PTPN12: variants seen among roughly 807,000 people sequenced by gnomAD.
PTPN12 encodes the protein protein tyrosine phosphatase non-receptor type 12.
Under a neutral mutation model 97.6 loss-of-function variants are expected in PTPN12, and 29 were observed. The ratio of observed to expected loss-of-function variants is 0.30; its 90% CI spans 0.22 to 0.41. PTPN12 has a LOEUF of 0.41. Ranked by LOEUF, PTPN12 falls within the 10% of genes least tolerant of loss-of-function variation. PTPN12 has a pLI of 1.00. For missense variants in PTPN12, 819 were observed against 926.0 expected (o/e 0.88, Z 1.50); for synonymous variants, 327 against 300.4 (o/e 1.09, Z -0.91).
chr7:77,548,872 G>T (rs1315178650), intron 1 of PTPN12, among the ~76,000 whole-genome samples: 4 of 152,114 alleles, frequency 2.6e-5, no homozygotes, highest in Non-Finnish European at 5.9e-5. Flanking sequence ...TCTTTCTATG[G>T]TTTTCAAGTT....
chr7:77,637,148 G>A (rs1288990357), intron 16 of PTPN12, 100 bp downstream of exon 16: 1 of 968,146 alleles, frequency 1.0e-6, no homozygotes, highest in Non-Finnish European at 1.6e-6. Context: ...AGTTATTTCT[G>A]TATGTGAAAA....
intron 16 of PTPN12, among the ~76,000 whole-genome samples, chr7:77,637,945 A>T (rs12705075): frequency 0.57 from 38,452 of 66,946 alleles, 11,235 homozygotes; most frequent in East Asian, 0.84. Context: ...ATTTCTTAAA[A>T]TTTTTTTTTT....
intron 12 of PTPN12, among the ~76,000 whole-genome samples, chr7:77,624,250 G>C (rs1789050342): frequency 6.6e-6 from 1 of 150,768 alleles, no homozygotes. Context: ...CCAGGTGGCA[G>C]AGCAGGACCC....
intron 13 of PTPN12, among the ~76,000 whole-genome samples, chr7:77,631,640 T>C (rs2151403110): frequency 6.6e-6 from 1 of 152,330 alleles, no homozygotes; most frequent in African/African-American, 2.4e-5. Context: ...TAATGCACTC[T>C]CTTTCCCAAG....
At position 77,626,881 on chromosome 7, in the gene PTPN12, A is replaced by C. The variant is rs765719283; in HGVS notation, c.1202A>C (p.His401Pro). The C allele has an allele frequency of 1.9e-6, 3 of 1,613,030 alleles. No individual in the cohort carries two copies. In the Admixed American group the frequency reaches 5.0e-5, roughly 27 times the overall value. The change falls in exon 13 of 18, where the codon CAT becomes CCT. Residue 401 changes from histidine (H) to proline (P), a missense_variant. Coordinates refer to ENST00000248594, the MANE Select transcript of PTPN12 (RefSeq NM_002835.4). ...TTGCATATGGTTTCATCAGAACAAC[A>C]TTCAGCAGACCTCAACAGAAACTAT... is the stretch of plus-strand genomic sequence containing the variant. Reference protein sequence around the residue: ...PVLHMVSSEQHSADLNRNYSK... With the variant: ...PVLHMVSSEQPSADLNRNYSK...
chr7:77,575,701 T>C (rs993782726), intron 2 of PTPN12, among the ~76,000 whole-genome samples: 2 of 152,194 alleles, frequency 1.3e-5, no homozygotes, highest in African/African-American at 2.4e-5. Flanking sequence ...ATTAATACAA[T>C]CTAGTTTTAG....
intron 2 of PTPN12, among the ~76,000 whole-genome samples, chr7:77,573,465 C>G (rs773683705): frequency 1.3e-4 from 20 of 152,098 alleles, no homozygotes; most frequent in Non-Finnish European, 2.8e-4. Context: ...GCTGGTAATC[C>G]CATTCACAAG....
intron 8 of PTPN12, among the ~76,000 whole-genome samples, chr7:77,604,209 CTTT>C (rs71082768): frequency 1.1e-3 from 58 of 52,794 alleles, no homozygotes; most frequent in Admixed American, 4.1e-3. Context: ...TTTTTTCTTC[CTTT>C]TTTTTTTTTT....
chr7:77,607,133 T>A, intron 8 of PTPN12, 102 bp from the exon 9 acceptor site: 6 of 948,344 alleles, frequency 6.3e-6, no homozygotes, highest in Non-Finnish European at 9.4e-6. Flanking sequence ...GTCAAACTTC[T>A]TAAATGATTT....
intron 5 of PTPN12, among the ~76,000 whole-genome samples, chr7:77,590,059 T>G (rs1363250188): frequency 2.0e-5 from 3 of 152,196 alleles, no homozygotes; most frequent in Non-Finnish European, 4.4e-5. Flanking sequence ...AAAGCATAGA[T>G]AATTAAATCA....
intron 13 of PTPN12, among the ~76,000 whole-genome samples, chr7:77,629,968 A>G (rs904947696): frequency 6.7e-6 from 1 of 149,516 alleles, no homozygotes; most frequent in Admixed American, 6.7e-5. Context: ...AGAGTAAGAT[A>G]TAGCTAAAAG....
At chr7:77,571,952 G>A (rs540639212) in intron 2 of PTPN12, among the ~76,000 whole-genome samples, 36 of 152,202 alleles carry the variant, frequency 2.4e-4, no homozygotes, top group African/African-American at 8.2e-4. Flanking sequence ...AAAGCTATAC[G>A]TCATACTTGC....
chr7:77,607,079 A>AAC (rs1381425589), intron 8 of PTPN12, 156 bp from the exon 9 acceptor site: 5 of 563,122 alleles, frequency 8.9e-6, no homozygotes, highest in African/African-American at 7.6e-5. Context: ...TGTTGCCATG[A>AAC]ACACACTGTA....
chr7:77,636,774 G>A (rs1425737572), intron 15 of PTPN12: 1 of 336,314 alleles, frequency 3.0e-6, no homozygotes, highest in Non-Finnish European at 5.4e-6. Flanking sequence ...AAACACAGCT[G>A]TATGTTCCTT....
At chr7:77,558,175 C>T (rs369547000) in intron 1 of PTPN12, among the ~76,000 whole-genome samples, 4 of 140,626 alleles carry the variant, frequency 2.8e-5, no homozygotes, top group South Asian at 4.4e-4. Context: ...CACGCCACTG[C>T]ACTCCAGCCT....
In PTPN12 at chr7:77,638,633, C is replaced by T. The variant is rs377606271; in HGVS notation, c.2183C>T (p.Ala728Val). The T allele has an allele frequency of 4.3e-5, 69 of 1,591,672 alleles. No homozygotes were observed. Among genetic ancestry groups the T allele is most frequent in the African/African-American group, 5.4e-5 (4 of 73,588 alleles). Residue 728 changes from alanine (A) to valine (V), a missense_variant, in exon 17 of 18, where the codon GCG (alanine) becomes GTG (valine). Ala to Val is a moderately conservative substitution (Grantham distance 64). This residue lies in a region of PTPN12 where 607 missense variants were observed against 577.3 expected (regional missense o/e 1.05). Coordinates refer to ENST00000248594, the MANE Select transcript of PTPN12 (RefSeq NM_002835.4). ...TSENEKCDHP[A>V]GGIHYEMCIE... ...TTGTGTTGCTACTTAGATCATCCAG[C>T]GGGAGGTATTCACTATGAAATGTGC... is the stretch of plus-strand genomic sequence containing the variant.
At chr7:77,620,409 G>A (rs901835521) in intron 12 of PTPN12, among the ~76,000 whole-genome samples, 1 of 152,182 alleles carries the variant, frequency 6.6e-6, no homozygotes, top group African/African-American at 2.4e-5. Flanking sequence ...TTCTTTGTGT[G>A]TGATTTTATA....
intron 15 of PTPN12, among the ~76,000 whole-genome samples, chr7:77,636,518 G>C (rs976886465): frequency 2.6e-5 from 4 of 152,072 alleles, no homozygotes; most frequent in Non-Finnish European, 4.4e-5. Context: ...AGAGGTCAAG[G>C]CTGCAGTGAG....
Position 77,585,529 on chromosome 7 carries a change from C to T in PTPN12, c.382-14C>T, listed in dbSNP as rs201470185. ...GATACGTTCTTTATCTCACTCCCCA[C>T]CATCACTTTTTAGATCATTGTAATG... On this transcript the variant is annotated splice_polypyrimidine_tract_variant and intron_variant, in intron 4 of 17. Coordinates refer to ENST00000248594, the MANE Select transcript of PTPN12 (RefSeq NM_002835.4). The T allele has an allele frequency of 3.5e-4, 553 of 1,601,928 alleles. 2 individuals are homozygous for T. Among genetic ancestry groups the T allele is most frequent in the South Asian group, 2.0e-4 (18 of 90,442 alleles).
Sources: allele counts gnomAD v4.1 joint callset (sites outside exome capture counted in the v4.1 genomes callset), GRCh38; gene constraint gnomAD v4.1.1; regional missense constraint gnomAD v4.1.1; transcripts MANE v1.5; gene names NCBI Gene and HGNC (gene_info 2026-07-23, HGNC 2026-07-21).